VTA1: variants seen among roughly 807,000 people sequenced by gnomAD.
VTA1 encodes the protein vacuolar protein sorting-associated protein VTA1 homolog.
VTA1 carries 24 observed loss-of-function variants against 36.9 expected under a neutral mutation model. That is an observed-to-expected ratio of 0.65 (90% confidence interval 0.47 to 0.91). The LOEUF (loss-of-function observed/expected upper bound fraction) is 0.91, where lower values mean the gene tolerates loss of function less well. Among genes scored for constraint, VTA1 ranks in the 40% least tolerant of loss-of-function variants. VTA1 has a pLI of 0.00. For missense variants in VTA1, 393 were observed against 377.2 expected, an observed-to-expected ratio of 1.04 and a Z score of -0.35; for synonymous variants, 142 against 130.2, an observed-to-expected ratio of 1.09 and a Z score of -0.62.
At chr6:142,210,079 G>C (rs1775872517) in intron 7 of VTA1, among the ~76,000 whole-genome samples, 1 of 152,090 alleles carries the variant, frequency 6.6e-6, no homozygotes, top group African/African-American at 2.4e-5. Context: ...ACATGGACCA[G>C]TGGAACAGAA....
intron 4 of VTA1, among the ~76,000 whole-genome samples, chr6:142,184,137 G>A (rs528265701): frequency 1.3e-5 from 2 of 152,018 alleles, no homozygotes; most frequent in African/African-American, 2.4e-5. Context: ...AGTTTTCTTC[G>A]TAACTACCAA....
At chr6:142,179,232 T>C (rs1775179552) in intron 4 of VTA1, among the ~76,000 whole-genome samples, 1 of 152,154 alleles carries the variant, frequency 6.6e-6, no homozygotes. Flanking sequence ...AATTGTTGTC[T>C]AGAATGTGAA....
intron 4 of VTA1, among the ~76,000 whole-genome samples, chr6:142,181,948 A>T (rs961727645): frequency 6.6e-6 from 1 of 152,236 alleles, no homozygotes; most frequent in South Asian, 2.1e-4. Flanking sequence ...AGTAATTTTG[A>T]TAATAAATTT....
intron 5 of VTA1, among the ~76,000 whole-genome samples, chr6:142,193,561 A>G (rs1473843837): frequency 1.3e-5 from 2 of 152,090 alleles, no homozygotes; most frequent in Non-Finnish European, 2.9e-5. Flanking sequence ...GTATTTATTC[A>G]TTTAATTATT....
At position 142,220,311 on chromosome 6, in the gene VTA1, A is replaced by C. The variant is rs1776084273; in HGVS notation, c.*1668A>C. 1 of 152,196 alleles carries C rather than the reference A, an allele frequency of 6.6e-6. No individual in the cohort carries two copies. Among genetic ancestry groups the C allele is most frequent in the African/African-American group, 2.4e-5 (1 of 41,458 alleles). 9.4% of individuals were successfully genotyped at this position (152,196 alleles called of 1,614,324 possible). A position where few individuals can be genotyped will look rare whatever the true frequency, so the allele number is the denominator to read the frequency against. On this transcript the variant is annotated 3_prime_UTR_variant, in exon 8 of 8. Coordinates refer to ENST00000367630, the MANE Select transcript of VTA1 (RefSeq NM_016485.5). ...ATGATGTTCAGCAAATTTTAATTCA[A>C]ACCTTGATATGCCTGGACACTGAAA...
intron 1 of VTA1, among the ~76,000 whole-genome samples, chr6:142,159,782 G>A (rs1285002919): frequency 6.6e-6 from 1 of 151,752 alleles, no homozygotes; most frequent in Non-Finnish European, 1.5e-5. Flanking sequence ...CAAAGTGCTG[G>A]GATTACAGGC....
chr6:142,169,273 A>G (rs1230374340), intron 2 of VTA1, among the ~76,000 whole-genome samples: 2 of 152,190 alleles, frequency 1.3e-5, no homozygotes, highest in Non-Finnish European at 2.9e-5. Context: ...ATAATTGGAT[A>G]TATTATCCTT....
At position 142,167,001 on chromosome 6, in the gene VTA1, A is replaced by G. The variant is rs78781306; in HGVS notation, c.207+679A>G. ...GGGAATCTTAATATTTCTTATAATAATGAAATAATGGGCTGTGTATTTAGT... is the reference window on the plus strand; with the variant it reads ...GGGAATCTTAATATTTCTTATAATAGTGAAATAATGGGCTGTGTATTTAGT... On this transcript the variant is annotated intron_variant, in intron 2 of 7. Transcript: ENST00000367630. 9.4e-3 allele frequency among the ~76,000 whole-genome samples: 1,429 copies of G among 152,310 alleles called. 14 individuals are homozygous for G. Among genetic ancestry groups the G allele is most frequent in the Non-Finnish European group, 0.013 (912 of 68,028 alleles).
In VTA1 at chr6:142,161,199, G is replaced by A. The variant is rs192038851; in HGVS notation, c.113-5029G>A. On this transcript the variant is annotated intron_variant, in intron 1 of 7. Transcript: ENST00000367630. ...TTTGACACAGAAATCCCTTCACAAA[G>A]GATAATACTAACCATATAGAAAAGA... 3.0e-3 allele frequency among the ~76,000 whole-genome samples: 448 copies of A among 150,278 alleles called. 3 individuals carry two copies. The Middle Eastern group carries it at 0.041, about 14-fold the overall frequency.
chr6:142,215,569 C>T (rs1213459170), intron 7 of VTA1, among the ~76,000 whole-genome samples: 4 of 152,178 alleles, frequency 2.6e-5, no homozygotes, highest in Admixed American at 2.6e-4. Context: ...TGACATGTCT[C>T]AGCAATGCCT....
intron 2 of VTA1, among the ~76,000 whole-genome samples, chr6:142,166,586 T>G (rs1774919020): frequency 6.6e-6 from 1 of 152,046 alleles, no homozygotes; most frequent in South Asian, 2.1e-4. Context: ...GGCCTTTGGC[T>G]CCTCCTTTTA....
intron 4 of VTA1, among the ~76,000 whole-genome samples, chr6:142,175,907 T>G (rs1196064454): frequency 6.6e-6 from 1 of 152,100 alleles, no homozygotes; most frequent in Non-Finnish European, 1.5e-5. Context: ...CTCAGTTATC[T>G]TATCTCTATT....
intron 4 of VTA1, among the ~76,000 whole-genome samples, chr6:142,176,225 T>C (rs915795922): frequency 6.6e-6 from 1 of 152,222 alleles, no homozygotes; most frequent in Non-Finnish European, 1.5e-5. Context: ...TCATAATCTT[T>C]GGTTAAGATT....
At chr6:142,182,622 T>C (rs1234106316) in intron 4 of VTA1, among the ~76,000 whole-genome samples, 1 of 152,142 alleles carries the variant, frequency 6.6e-6, no homozygotes, top group Non-Finnish European at 1.5e-5. Flanking sequence ...CAAAAATGAC[T>C]CCAAGGGTTG....
chr6:142,220,673 C>G lies in VTA1; in HGVS notation c.*2030C>G, dbSNP rs1776092580. ...CTATGTGGCCCAGTGCTTAAAAACGCCTTCTTGCATGAGGGGATTGAACTA... is the reference window on the plus strand; with the variant it reads ...CTATGTGGCCCAGTGCTTAAAAACGGCTTCTTGCATGAGGGGATTGAACTA... On this transcript the variant is annotated 3_prime_UTR_variant, in exon 8 of 8. Coordinates refer to ENST00000367630, the MANE Select transcript of VTA1 (RefSeq NM_016485.5). The G allele has an allele frequency of 6.6e-6, 1 of 152,058 alleles. No individual in the cohort carries two copies. Among genetic ancestry groups the G allele is most frequent in the Non-Finnish European group, 1.5e-5 (1 of 68,024 alleles). The allele number at this position is 152,058 out of a possible 1,614,324, so 9.4% of individuals were successfully genotyped here.
At chr6:142,198,746 A>G in intron 6 of VTA1, 131 bp downstream of exon 6, 3 of 783,624 alleles carry the variant, frequency 3.8e-6, no homozygotes, top group Non-Finnish European at 5.7e-6. Context: ...ATTTGAACCC[A>G]CAAGAAACAT....
intron 4 of VTA1, among the ~76,000 whole-genome samples, chr6:142,189,152 C>T (rs1200482638): frequency 6.6e-6 from 1 of 152,104 alleles, no homozygotes; most frequent in Non-Finnish European, 1.5e-5. Flanking sequence ...GCTGGAAGGA[C>T]ACTCCTGTTT....
At chr6:142,181,094 A>AAAAAAAAT (rs1471429927) in intron 4 of VTA1, among the ~76,000 whole-genome samples, 6 of 36,436 alleles carry the variant, frequency 1.6e-4, no homozygotes, top group African/African-American at 3.8e-4. Flanking sequence ...AAAAAAAAAA[A>AAAAAAAAT]ATATATATAT....
intron 1 of VTA1, among the ~76,000 whole-genome samples, chr6:142,157,785 T>C (rs1469187757): frequency 1.3e-5 from 2 of 151,912 alleles, no homozygotes; most frequent in African/African-American, 4.8e-5. Context: ...AAATTCTTCA[T>C]TGGGCTGTTA....
Sources: gnomAD v4.1 joint callset for allele counts (sites outside exome capture counted in the v4.1 genomes callset) on GRCh38, gnomAD v4.1.1 for gene constraint, MANE v1.5 for transcripts, NCBI Gene and HGNC (gene_info 2026-07-23, HGNC 2026-07-21) for gene names.